ZPLD1: variants seen among roughly 807,000 people sequenced by gnomAD.
ZPLD1 encodes the protein zona pellucida like domain containing 1, also known as zona pellucida-like domain-containing protein 1.
ZPLD1 carries 34 observed loss-of-function variants against 47.2 expected under a neutral mutation model. That is an observed-to-expected ratio of 0.72 (90% CI 0.55 to 0.96). The LOEUF (loss-of-function observed/expected upper bound fraction) is 0.96, where lower values mean the gene tolerates loss of function less well. Ranked by LOEUF, ZPLD1 falls within the 40% of genes least tolerant of loss-of-function variation. The probability of loss-of-function intolerance (pLI) is 0.00; values close to 1 mark genes in which losing one functional copy is unlikely to be tolerated. For missense variants in ZPLD1, 512 were observed against 505.8 expected, an observed-to-expected ratio of 1.01 and a Z score of -0.12; for synonymous variants, 176 against 186.2, an observed-to-expected ratio of 0.95 and a Z score of 0.45.
intron 3 of ZPLD1, among the ~76,000 whole-genome samples, chr3:102,444,390 C>T (rs1259655728): frequency 1.3e-5 from 2 of 152,178 alleles, no homozygotes; most frequent in Admixed American, 6.5e-5. Flanking sequence ...TCCTAATCCA[C>T]TTTAAGTTCT....
chr3:102,438,969 T>C (rs1282635419), intron 3 of ZPLD1, among the ~76,000 whole-genome samples: 17 of 152,130 alleles, frequency 1.1e-4, no homozygotes, highest in Admixed American at 1.1e-3. Context: ...AAAATGATTG[T>C]AAAATATTGT....
At chr3:102,450,031 A>G (rs893244395) in intron 3 of ZPLD1, among the ~76,000 whole-genome samples, 3 of 152,188 alleles carry the variant, frequency 2.0e-5, no homozygotes, top group Non-Finnish European at 4.4e-5. Context: ...ACAAATACAT[A>G]TATGATTCTA....
chr3:102,438,140 T>C (rs946850398), intron 2 of ZPLD1, among the ~76,000 whole-genome samples: 9 of 152,226 alleles, frequency 5.9e-5, no homozygotes, highest in African/African-American at 1.9e-4. Context: ...TGCCTAGTTA[T>C]GCTATTCCAA....
chr3:102,409,452 GCACATACCCA>G (rs1363446391), intron 7 of ZPLD1, among the ~76,000 whole-genome samples: 3 of 151,730 alleles, frequency 2.0e-5, no homozygotes, highest in Admixed American at 2.0e-4. Context: ...TCAAACCATA[GCACATACCCA>G]CACATATCAC....
chr3:102,423,696 C>T (rs1706907405), intron 8 of ZPLD1, among the ~76,000 whole-genome samples: 1 of 152,074 alleles, frequency 6.6e-6, no homozygotes, highest in East Asian at 1.9e-4. Flanking sequence ...TATGATTTCT[C>T]ACCTAATGTT....
chr3:102,436,473 A>G (rs945814080), intron 1 of ZPLD1, among the ~76,000 whole-genome samples: 1 of 152,234 alleles, frequency 6.6e-6, no homozygotes, highest in African/African-American at 2.4e-5. Flanking sequence ...GTAAAAAGCT[A>G]AAGAAAACAG....
At chr3:102,435,295 A>G (rs1341317558) in intron 1 of ZPLD1, 141 bp downstream of exon 1, 1 of 875,348 alleles carries the variant, frequency 1.1e-6, no homozygotes, top group East Asian at 2.6e-5. Context: ...TGCCTTTATA[A>G]GAGATATGGG....
chr3:102,442,975 A>G (rs566205390), intron 3 of ZPLD1, among the ~76,000 whole-genome samples: 1 of 152,342 alleles, frequency 6.6e-6, no homozygotes, highest in Non-Finnish European at 1.5e-5. Context: ...AGTTGAATTT[A>G]GAGTACCAAG....
chr3:102,479,555 G>A lies in ZPLD1; in HGVS notation c.*1937G>A, dbSNP rs1411705821. ...GGACACATGTCACTTGGGAAGCAAC[G>A]TAAGTATCACATTATTTTTTGCCAC... On this transcript the variant is annotated 3_prime_UTR_variant, in exon 12 of 12. Transcript: ENST00000466937. 2.0e-5 allele frequency: 3 copies of A among 152,212 alleles called. No homozygotes were observed. The highest frequency in any genetic ancestry group is 2.9e-5 in the Non-Finnish European group (2 of 67,998). The allele number at this position is 152,212 out of a possible 1,614,324, so 9.4% of individuals were successfully genotyped here. A position where few individuals can be genotyped will look rare whatever the true frequency, so the allele number is the denominator to read the frequency against.
chr3:102,440,222 AT>A (rs1707154830), intron 3 of ZPLD1, among the ~76,000 whole-genome samples: 1 of 152,230 alleles, frequency 6.6e-6, no homozygotes, highest in South Asian at 2.1e-4. Flanking sequence ...ATGTGGTCAC[AT>A]TTTGTTTTAG....
At position 102,456,363 on chromosome 3, in the gene ZPLD1, C is replaced by A. The variant is rs1471109431; in HGVS notation, c.498C>A (p.Thr166=). 1 of 1,608,998 alleles carries A rather than the reference C, an allele frequency of 6.2e-7. No homozygotes were observed. The part of the protein sequence containing the change: ...SYPLEYLVNN[T]QLASSSAAIS... The stretch of plus-strand genomic sequence containing the variant: ...CATTGGAATACCTGGTTAATAATAC[C>A]CAGCTTGCTTCGTAAGTTTGCATTT... The change falls in exon 5 of 12, where the codon ACC becomes ACA. Residue 166 remains threonine (T), a synonymous_variant. Coordinates refer to ENST00000466937, the MANE Select transcript of ZPLD1 (RefSeq NM_001329788.2).
At chr3:102,451,974 T>G (rs1276268369) in intron 3 of ZPLD1, among the ~76,000 whole-genome samples, 7 of 152,112 alleles carry the variant, frequency 4.6e-5, no homozygotes, top group African/African-American at 7.2e-5. Context: ...GGGGACATAA[T>G]TCAACCTATA....
chr3:102,459,965 AG>A (rs1001504697), intron 6 of ZPLD1, among the ~76,000 whole-genome samples: 1 of 152,140 alleles, frequency 6.6e-6, no homozygotes, highest in Non-Finnish European at 1.5e-5. Flanking sequence ...ATAATACAGA[AG>A]AGTTTCAATG....
intron 8 of ZPLD1, among the ~76,000 whole-genome samples, chr3:102,465,591 T>G (rs57525692): frequency 0.15 from 22,522 of 152,166 alleles, 2,139 homozygotes; most frequent in Middle Eastern, 0.24. Flanking sequence ...GACATTTCTC[T>G]TATTTTCCCA....
At chr3:102,456,022 T>C (rs1559757158) in intron 4 of ZPLD1, among the ~76,000 whole-genome samples, 171 bp from the exon 5 acceptor site, 1 of 152,346 alleles carries the variant, frequency 6.6e-6, no homozygotes, top group East Asian at 1.9e-4. Context: ...TACTTACATG[T>C]CACTTATAAA....
chr3:102,407,442 T>TATATACACAC (rs1553708474), intron 7 of ZPLD1, among the ~76,000 whole-genome samples: 3 of 95,518 alleles, frequency 3.1e-5, no homozygotes, highest in South Asian at 3.3e-4. Context: ...TATATATATA[T>TATATACACAC]ACACACATAT....
chr3:102,414,419 A>C (rs1706780987), intron 7 of ZPLD1, among the ~76,000 whole-genome samples: 1 of 151,880 alleles, frequency 6.6e-6, no homozygotes, highest in Non-Finnish European at 1.5e-5. Context: ...GTCAAATAGG[A>C]CAGTATTGGT....
At chr3:102,412,702 T>C (rs1706759107) in intron 7 of ZPLD1, among the ~76,000 whole-genome samples, 1 of 151,780 alleles carries the variant, frequency 6.6e-6, no homozygotes, top group African/African-American at 2.4e-5. Context: ...TAGTCATAGT[T>C]GCTCCAAAGA....
intron 9 of ZPLD1, 122 bp from the exon 10 acceptor site, chr3:102,470,272 G>A (rs1450643757): frequency 1.4e-6 from 1 of 709,026 alleles, no homozygotes; most frequent in Non-Finnish European, 2.4e-6. Flanking sequence ...ATAAATGCAC[G>A]GAAGGAAATG....
Sources: allele counts gnomAD v4.1 joint callset (sites outside exome capture counted in the v4.1 genomes callset), GRCh38; gene constraint gnomAD v4.1.1; transcripts MANE v1.5; gene names NCBI Gene and HGNC (gene_info 2026-07-23, HGNC 2026-07-21).